SHQ1: variants seen among roughly 807,000 people sequenced by gnomAD.
SHQ1 encodes SHQ1, H/ACA ribonucleoprotein assembly factor.
Under a neutral mutation model 53.8 loss-of-function variants are expected in SHQ1, and 49 were observed. The ratio of observed to expected loss-of-function variants is 0.91; its 90% CI spans 0.72 to 1.16. The LOEUF is 1.16. Among genes scored for constraint, SHQ1 ranks in the 50% most tolerant of loss-of-function variants. SHQ1 has a pLI of 0.00. For synonymous variants in SHQ1, 243 were observed against 251.0 expected (o/e 0.97, Z 0.30); for missense variants, 738 against 683.1 (o/e 1.08, Z -0.90).
the SHQ1 span, among the ~76,000 whole-genome samples, chr3:72,739,632 A>G: frequency 6.6e-6 from 1 of 152,118 alleles, no homozygotes; most frequent in Non-Finnish European, 1.5e-5. Context: ...AGTGGGTTTG[A>G]GCTGAGCTCC....
chr3:72,763,199 G>T (rs1705649488), intron 10 of SHQ1, among the ~76,000 whole-genome samples: 1 of 152,154 alleles, frequency 6.6e-6, no homozygotes, highest in South Asian at 2.1e-4. Context: ...AAGAAATGGG[G>T]ACTGCAAGTC....
At chr3:72,823,830 T>C (rs1278212827) in intron 6 of SHQ1, among the ~76,000 whole-genome samples, 1 of 152,222 alleles carries the variant, frequency 6.6e-6, no homozygotes, top group Non-Finnish European at 1.5e-5. Flanking sequence ...AATGTACATA[T>C]ATATGTATTC....
At chr3:72,738,817 C>A in the SHQ1 span, among the ~76,000 whole-genome samples, 1 of 152,212 alleles carries the variant, frequency 6.6e-6, no homozygotes, top group African/African-American at 2.4e-5. Flanking sequence ...CTGCCCCTGC[C>A]GCTGGGAGAC....
intron 1 of SHQ1, among the ~76,000 whole-genome samples, chr3:72,844,927 A>T (rs1708286589): frequency 1.3e-5 from 2 of 152,182 alleles, no homozygotes; most frequent in Non-Finnish European, 2.9e-5. Context: ...AAAACAAATA[A>T]ATTTTGTGTT....
chr3:72,787,582 T>A (rs1706273088), intron 10 of SHQ1, among the ~76,000 whole-genome samples: 1 of 152,182 alleles, frequency 6.6e-6, no homozygotes, highest in Non-Finnish European at 1.5e-5. Flanking sequence ...TAAAAAAAAC[T>A]CTGTAATGGA....
At chr3:72,776,982 A>T (rs183726436) in intron 10 of SHQ1, among the ~76,000 whole-genome samples, 2 of 152,310 alleles carry the variant, frequency 1.3e-5, no homozygotes, top group Non-Finnish European at 1.5e-5. Flanking sequence ...TAATAAATGA[A>T]GCCAGGATAT....
chr3:72,829,365 A>C (rs886223846), intron 5 of SHQ1, among the ~76,000 whole-genome samples: 1 of 152,220 alleles, frequency 6.6e-6, no homozygotes, highest in Non-Finnish European at 1.5e-5. Flanking sequence ...TACAATAAAA[A>C]TAGTGTCTAC....
At chr3:72,813,335 C>T (rs1305974256) in intron 8 of SHQ1, among the ~76,000 whole-genome samples, 2 of 151,628 alleles carry the variant, frequency 1.3e-5, no homozygotes, top group Non-Finnish European at 2.9e-5. Flanking sequence ...GGTGTGGTGA[C>T]AGGCACCTGT....
In SHQ1 at chr3:72,832,498, A is replaced by G. The variant is rs1323634449; in HGVS notation, c.487-17T>C. The G allele has an allele frequency of 6.5e-7, 1 of 1,528,222 alleles. No homozygotes were observed. The allele number at this position is 1,528,222 out of a possible 1,614,324, so 94.7% of individuals were successfully genotyped here. On this transcript the variant is annotated splice_polypyrimidine_tract_variant and intron_variant, in intron 4 of 10. Transcript: ENST00000325599. ...CAGTTCATCCTGAGGACACCCAGAA[A>G]AGAAAGAATAATTGCTATCTCCTAT...
At chr3:72,741,626 G>A in the SHQ1 span, among the ~76,000 whole-genome samples, 7 of 151,500 alleles carry the variant, frequency 4.6e-5, no homozygotes, top group African/African-American at 1.7e-4. Flanking sequence ...ATAGGCCCCT[G>A]CTTGACATGC....
downstream of SHQ1, among the ~76,000 whole-genome samples, chr3:72,745,699 A>G (rs1457053683): frequency 6.6e-6 from 1 of 152,134 alleles, no homozygotes; most frequent in Admixed American, 6.6e-5. Context: ...ATAAACCCTT[A>G]CGTTGGTTTA....
At chr3:72,838,491 G>A (rs1427450144) in intron 4 of SHQ1, among the ~76,000 whole-genome samples, 2 of 152,090 alleles carry the variant, frequency 1.3e-5, no homozygotes, top group Non-Finnish European at 2.9e-5. Flanking sequence ...TAAATTCAGT[G>A]GTTCATTTCC....
intron 9 of SHQ1, among the ~76,000 whole-genome samples, chr3:72,800,887 A>T (rs1307334480): frequency 6.6e-6 from 1 of 152,236 alleles, no homozygotes; most frequent in Non-Finnish European, 1.5e-5. Flanking sequence ...TACCACCATA[A>T]GTTCAAATAA....
intron 9 of SHQ1, among the ~76,000 whole-genome samples, chr3:72,811,364 TCA>T (rs1707117796): frequency 6.6e-6 from 1 of 152,168 alleles, no homozygotes; most frequent in Non-Finnish European, 1.5e-5. Flanking sequence ...TAACTGAGGC[TCA>T]CACAGTCATT....
chr3:72,812,968 A>G (rs1237601237), intron 8 of SHQ1, among the ~76,000 whole-genome samples, 174 bp from the exon 9 acceptor site: 2 of 152,264 alleles, frequency 1.3e-5, no homozygotes, highest in Non-Finnish European at 2.9e-5. Context: ...ATACTTTACA[A>G]TAAAACAGAA....
chr3:72,836,437 T>TGA (rs567237026), intron 4 of SHQ1, among the ~76,000 whole-genome samples: 74 of 151,450 alleles, frequency 4.9e-4, no homozygotes, highest in Non-Finnish European at 8.4e-4. Context: ...TGCAGTGAGC[T>TGA]GAGATCACGC....
chr3:72,818,568 T>TA (rs1707383273), intron 6 of SHQ1, among the ~76,000 whole-genome samples: 1 of 152,210 alleles, frequency 6.6e-6, no homozygotes, highest in South Asian at 2.1e-4. Context: ...ATAGCTTTTT[T>TA]ACAATCATTT....
chr3:72,775,971 A>T (rs555062762), intron 10 of SHQ1, among the ~76,000 whole-genome samples: 10 of 152,348 alleles, frequency 6.6e-5, no homozygotes, highest in African/African-American at 2.4e-4. Flanking sequence ...AAAGAATAAG[A>T]TAAATATATT....
rs1300959811 is a variant in SHQ1 at position 72,757,637 on chromosome 3, T to C, written c.1182-6801A>G. ...GGTACATATACACCATGGAATACCA[T>C]GCAGCCATAAAAGGAACAGGATCAT... On this transcript the variant is annotated intron_variant, in intron 10 of 10. Coordinates refer to ENST00000325599, the MANE Select transcript of SHQ1 (RefSeq NM_018130.3). Among the ~76,000 whole-genome samples the C allele has an allele frequency of 3.9e-5, 6 of 152,204 alleles. No individual in the cohort carries two copies. The East Asian group carries it at 7.7e-4, about 20-fold the overall frequency.
Sources: gnomAD v4.1 joint callset for allele counts (sites outside exome capture counted in the v4.1 genomes callset) on GRCh38, gnomAD v4.1.1 for gene constraint, MANE v1.5 for transcripts, NCBI Gene and HGNC (gene_info 2026-07-23, HGNC 2026-07-21) for gene names.